Variants in SH3BP4 observed in about 807,000 individuals in gnomAD.
SH3BP4 encodes SH3 domain-binding protein 4.
Under a neutral mutation model 65.5 loss-of-function variants are expected in SH3BP4, and 33 were observed. The ratio of observed to expected loss-of-function variants is 0.50; its 90% CI spans 0.38 to 0.67. The LOEUF (loss-of-function observed/expected upper bound fraction) is 0.67. SH3BP4 is among the 30% of genes least tolerant of loss of function. SH3BP4 has a pLI of 0.00. For synonymous variants in SH3BP4, 552 were observed against 545.5 expected (o/e 1.01, Z -0.17); for missense variants, 1,134 against 1,261.4 (o/e 0.90, Z 1.53).
intron 2 of SH3BP4, among the ~76,000 whole-genome samples, chr2:235,010,107 T>G (rs895734286): frequency 4.0e-5 from 6 of 151,844 alleles, no homozygotes; most frequent in African/African-American, 1.4e-4. Context: ...CATCCCCTCC[T>G]TGGCAGCCTG....
chr2:234,974,634 C>T lies in SH3BP4; in HGVS notation c.-206-20669C>T, dbSNP rs184037081. 5.3e-5 allele frequency among the ~76,000 whole-genome samples: 8 copies of T among 152,328 alleles called. No homozygotes were observed. The highest frequency in any genetic ancestry group is 1.9e-4 in the East Asian group (1 of 5,170). On this transcript the variant is annotated intron_variant, in intron 1 of 5. Transcript: ENST00000392011. The surrounding 1 kb of genome is among the most constrained non-coding windows in gnomAD (Gnocchi z 4.6). Reference sequence around the variant, plus strand: ...CGGGCCTTCTGGTGCTCAGGGCCCCCGTTCCCTGGTCTCATTTTACACTAA... The same window carrying T: ...CGGGCCTTCTGGTGCTCAGGGCCCCTGTTCCCTGGTCTCATTTTACACTAA...
Position 235,034,995 on chromosome 2 carries a change from G to GT in SH3BP4, c.-5dup. On this transcript the variant is annotated 5_prime_UTR_variant, in exon 3 of 6. Transcript: ENST00000392011. This position sits in a 1 kb window ranked among gnomAD's most constrained non-coding sequence, Gnocchi z 6.2. ...CTTAGCGGCTTTACCCGGGAAGCGAGTTTCGAGATGGCGGCTCAGCGGATC... is the reference window on the plus strand; with the variant it reads ...CTTAGCGGCTTTACCCGGGAAGCGAGTTTTCGAGATGGCGGCTCAGCGGATC... 1 of 1,612,944 alleles carries GT rather than the reference G, an allele frequency of 6.2e-7. No homozygotes were observed. The highest frequency in any genetic ancestry group is 1.1e-5 in the South Asian group (1 of 91,052).
chr2:234,985,127 C>T (rs1693506603), intron 1 of SH3BP4, among the ~76,000 whole-genome samples: 1 of 152,186 alleles, frequency 6.6e-6, no homozygotes, highest in African/African-American at 2.4e-5. Flanking sequence ...GGAGCACCTG[C>T]AGATCACACC....
intron 1 of SH3BP4, among the ~76,000 whole-genome samples, chr2:234,990,361 C>T (rs1163325574): frequency 6.6e-6 from 1 of 152,136 alleles, no homozygotes; most frequent in Non-Finnish European, 1.5e-5. Context: ...ACTGTGGAGG[C>T]TTAAAAAATC....
At chr2:235,019,365 G>C (rs1694781809) in intron 2 of SH3BP4, among the ~76,000 whole-genome samples, 1 of 151,804 alleles carries the variant, frequency 6.6e-6, no homozygotes, top group African/African-American at 2.4e-5. Context: ...ATTGGGGGCA[G>C]AAGAAAGGGA....
rs1167115466 is a variant in SH3BP4, at chr2:234,967,259, C to T, written c.-207+15089C>T. On this transcript the variant is annotated intron_variant, in intron 1 of 5. Coordinates refer to ENST00000392011, the MANE Select transcript of SH3BP4 (RefSeq NM_014521.3). The surrounding 1 kb of genome is among the most constrained non-coding windows in gnomAD (Gnocchi z 4.6). ...TTCCAGGGTGAACAAGGTGCTTAAC[C>T]GGGACCAGACTGGGGAGCAGGATGG... Among the ~76,000 whole-genome samples, 3 of 152,078 alleles carry T rather than the reference C, an allele frequency of 2.0e-5. No homozygotes were observed. Among genetic ancestry groups the T allele is most frequent in the Admixed American group, 1.3e-4 (2 of 15,270 alleles).
chr2:234,966,317 C>T (rs1369042251), intron 1 of SH3BP4, among the ~76,000 whole-genome samples: 1 of 152,038 alleles, frequency 6.6e-6, no homozygotes, highest in Non-Finnish European at 1.5e-5. Flanking sequence ...TGCAGTGAGC[C>T]GAGATTGCGC....
intron 1 of SH3BP4, among the ~76,000 whole-genome samples, chr2:234,993,989 T>C (rs578036710): frequency 6.6e-6 from 1 of 152,360 alleles, no homozygotes; most frequent in African/African-American, 2.4e-5. Flanking sequence ...GTCACATTGT[T>C]GCGGCCTTTT....
Position 235,035,204 on chromosome 2 carries a change from G to A in SH3BP4, c.118+84G>A. The A allele has an allele frequency of 2.0e-6, 2 of 980,008 alleles. No individual in the cohort carries two copies. The highest frequency in any genetic ancestry group is 3.3e-6 in the Non-Finnish European group (2 of 608,646). The allele number at this position is 980,008 out of a possible 1,614,324, so 60.7% of individuals were successfully genotyped here. A position where few individuals can be genotyped will look rare whatever the true frequency, so the allele number is the denominator to read the frequency against. ...GATCCAAGAACTTTTCTGCTTTAAA[G>A]ATTGCCAGTTTAGCATTCAGATAGT... is the stretch of plus-strand genomic sequence containing the variant. On this transcript the variant is annotated intron_variant, in intron 3 of 5. Coordinates refer to ENST00000392011, the MANE Select transcript of SH3BP4 (RefSeq NM_014521.3). The surrounding 1 kb of genome is among the most constrained non-coding windows in gnomAD (Gnocchi z 5.0).
rs780458400 is a variant in SH3BP4 at position 235,042,569 on chromosome 2, C to T, written c.1800C>T (p.Ile600=). ...RVQVKDDQEA[I]LTQFCVQTPQ... ...AGGTGAAGGACGACCAGGAGGCCAT[C>T]CTCACCCAGTTTTGTGTCCAGACTC... Residue 600 remains isoleucine (I), a synonymous_variant, in exon 4 of 6, where the codon ATC becomes ATT. Coordinates refer to ENST00000392011, the MANE Select transcript of SH3BP4 (RefSeq NM_014521.3). The surrounding 1 kb of genome is among the most constrained non-coding windows in gnomAD (Gnocchi z 7.3). 12 of 1,613,996 alleles carry T rather than the reference C, an allele frequency of 7.4e-6. No homozygotes were observed. In the East Asian group the frequency reaches 2.0e-4, roughly 27 times the overall value.
At chr2:235,019,873 TAAA>T (rs199714068) in intron 2 of SH3BP4, among the ~76,000 whole-genome samples, 2 of 112,600 alleles carry the variant, frequency 1.8e-5, no homozygotes, top group Non-Finnish European at 3.6e-5. Context: ...TAAAGATTCT[TAAA>T]AAAAAAAAAA....
chr2:235,034,442 G>C lies in SH3BP4; in HGVS notation c.-132-429G>C, dbSNP rs1347527647. On this transcript the variant is annotated intron_variant, in intron 2 of 5. Coordinates refer to ENST00000392011, the MANE Select transcript of SH3BP4 (RefSeq NM_014521.3). The surrounding 1 kb of genome is among the most constrained non-coding windows in gnomAD (Gnocchi z 6.2). The stretch of plus-strand genomic sequence containing the variant: ...CCGGGGCCGAGTCACCATGATGACT[G>C]CCCCTGCGCTGGGATCAGCCACTCT... Among the ~76,000 whole-genome samples, 2 of 152,136 alleles carry C rather than the reference G, an allele frequency of 1.3e-5. No individual in the cohort carries two copies. Among genetic ancestry groups the C allele is most frequent in the Non-Finnish European group, 2.9e-5 (2 of 68,026 alleles).
intron 2 of SH3BP4, among the ~76,000 whole-genome samples, chr2:235,019,197 G>T (rs1694775702): frequency 6.6e-6 from 1 of 152,188 alleles, no homozygotes; most frequent in South Asian, 2.1e-4. Flanking sequence ...GAATGGTTTT[G>T]TTGGTGGGTG....
At chr2:235,015,614 G>C (rs575993743) in intron 2 of SH3BP4, among the ~76,000 whole-genome samples, 3 of 152,210 alleles carry the variant, frequency 2.0e-5, no homozygotes, top group Admixed American at 6.5e-5. Flanking sequence ...GACTGTGATG[G>C]GTACAGCTCA....
Position 234,978,340 on chromosome 2 carries a change from G to C in SH3BP4, c.-206-16963G>C, listed in dbSNP as rs1693236980. Among the ~76,000 whole-genome samples the C allele has an allele frequency of 6.6e-6, 1 of 152,186 alleles. No homozygotes were observed. Among genetic ancestry groups the C allele is most frequent in the South Asian group, 2.1e-4 (1 of 4,830 alleles). On this transcript the variant is annotated intron_variant, in intron 1 of 5. Transcript: ENST00000392011. The surrounding 1 kb of genome is among the most constrained non-coding windows in gnomAD (Gnocchi z 4.1). ...ATCCATTCATTCATTCATTCAACAA[G>C]TACCTGACAGCCTGTACAGCAGTGG...
chr2:235,042,301 G>T lies in SH3BP4; in HGVS notation c.1532G>T (p.Arg511Leu), dbSNP rs35521640. Residue 511 changes from arginine to leucine, a missense_variant, in exon 4 of 6, where the codon CGC becomes CTC. Arg to Leu is a moderately radical substitution (Grantham distance 102). Transcript: ENST00000392011. This position sits in a 1 kb window ranked among gnomAD's most constrained non-coding sequence, Gnocchi z 7.3. ...PKTLLVSEVT[R>L]QAPNPAPVAL... ...ACGCTCCTGGTCAGCGAGGTCACAC[G>T]CCAGGCACCCAACCCTGCCCCGGTG... The T allele has an allele frequency of 2.4e-3, 3,865 of 1,614,136 alleles. 8 individuals are homozygous for T. The highest frequency in any genetic ancestry group is 3.0e-3 in the Non-Finnish European group (3,589 of 1,180,032).
At position 234,997,358 on chromosome 2, in the gene SH3BP4, G is replaced by A. The variant is rs1480366053; in HGVS notation, c.-133+1982G>A. The stretch of plus-strand genomic sequence containing the variant: ...TTTCCAGGCCCCGAGTTTTGTCCGT[G>A]GCAAATTTCGTGATTTGCACATAGT... On this transcript the variant is annotated intron_variant, in intron 2 of 5. Coordinates refer to ENST00000392011, the MANE Select transcript of SH3BP4 (RefSeq NM_014521.3). This position sits in a 1 kb window ranked among gnomAD's most constrained non-coding sequence, Gnocchi z 4.2. Among the ~76,000 whole-genome samples the A allele has an allele frequency of 6.6e-6, 1 of 152,102 alleles. No individual in the cohort carries two copies. The highest frequency in any genetic ancestry group is 2.4e-5 in the African/African-American group (1 of 41,392).
In SH3BP4 at chr2:235,052,256, C is replaced by T. The variant is rs1317094443; in HGVS notation, c.2479-306C>T. 6.6e-6 allele frequency among the ~76,000 whole-genome samples: 1 copy of T among 152,090 alleles called. No individual in the cohort carries two copies. The highest frequency in any genetic ancestry group is 2.4e-5 in the African/African-American group (1 of 41,430). On this transcript the variant is annotated intron_variant, in intron 4 of 5. Transcript: ENST00000392011. The surrounding 1 kb of genome is among the most constrained non-coding windows in gnomAD (Gnocchi z 5.0). Reference sequence around the variant, plus strand: ...CAGTCCTTGGTGACTTCCTCTAATCCAGAGGGACCTCATCTTAATTCTATC... The same window carrying T: ...CAGTCCTTGGTGACTTCCTCTAATCTAGAGGGACCTCATCTTAATTCTATC...
At chr2:234,999,559 T>C (rs2106281023) in intron 2 of SH3BP4, among the ~76,000 whole-genome samples, 1 of 152,292 alleles carries the variant, frequency 6.6e-6, no homozygotes, top group South Asian at 2.1e-4. Context: ...AAAATACCTA[T>C]GCAAAGAGCT....
Sources: gnomAD v4.1 joint callset for allele counts (sites outside exome capture counted in the v4.1 genomes callset) on GRCh38, gnomAD v4.1.1 for gene constraint, Gnocchi (gnomAD v3.1) non-coding constraint, MANE v1.5 for transcripts, NCBI Gene and HGNC (gene_info 2026-07-23, HGNC 2026-07-21) for gene names.